UACA: variants seen among roughly 807,000 people sequenced by gnomAD.
The protein encoded by UACA is nuclear membrane binding protein.
In UACA, 112 loss-of-function variants were observed where a neutral mutation model predicts 160.5. The observed-to-expected ratio is 0.70, with a 90% CI of 0.60 to 0.82. The LOEUF (loss-of-function observed/expected upper bound fraction) is 0.82. UACA is among the 40% of genes least tolerant of loss of function. UACA has a pLI of 0.00. For missense variants in UACA, 1,574 were observed against 1,614.6 expected (o/e 0.97, Z 0.43); for synonymous variants, 557 against 568.4 (o/e 0.98, Z 0.29).
At chr15:70,776,892 A>AAT in the UACA span, among the ~76,000 whole-genome samples, 1 of 152,170 alleles carries the variant, frequency 6.6e-6, no homozygotes, top group Non-Finnish European at 1.5e-5. Flanking sequence ...TGCTAGACTG[A>AAT]TTGGAACAGG....
intron 1 of UACA, 48 bp from the exon 2 acceptor site, chr15:70,699,708 A>T: frequency 6.3e-7 from 1 of 1,588,260 alleles, no homozygotes; most frequent in South Asian, 1.1e-5. Context: ...ACATTAGTTA[A>T]GATTTTTCTA....
intron 1 of UACA, among the ~76,000 whole-genome samples, chr15:70,710,827 C>T (rs1213576439): frequency 6.6e-6 from 1 of 152,250 alleles, no homozygotes; most frequent in Non-Finnish European, 1.5e-5. Flanking sequence ...ACATGTTCAG[C>T]AACCAGGAAG....
At chr15:70,778,294 C>T in the UACA span, among the ~76,000 whole-genome samples, 1 of 152,198 alleles carries the variant, frequency 6.6e-6, no homozygotes, top group Non-Finnish European at 1.5e-5. Context: ...TGTATCATAG[C>T]TGCAGCAAAT....
At chr15:70,658,953 T>C (rs1164463004) in intron 18 of UACA, among the ~76,000 whole-genome samples, 1 of 152,194 alleles carries the variant, frequency 6.6e-6, no homozygotes, top group Non-Finnish European at 1.5e-5. Flanking sequence ...AATTTCAAAT[T>C]CCGGAAGTGC....
intron 1 of UACA, among the ~76,000 whole-genome samples, chr15:70,711,414 C>T (rs1898677895): frequency 6.6e-6 from 1 of 151,864 alleles, no homozygotes; most frequent in Non-Finnish European, 1.5e-5. Flanking sequence ...GTAATCCTAC[C>T]ACTTTGGGAG....
At chr15:70,693,707 G>A (rs1297801028) in intron 3 of UACA, among the ~76,000 whole-genome samples, 5 of 151,990 alleles carry the variant, frequency 3.3e-5, no homozygotes, top group Non-Finnish European at 7.4e-5. Flanking sequence ...GAAGTCACTA[G>A]ATTAGCCACT....
intron 1 of UACA, among the ~76,000 whole-genome samples, chr15:70,723,678 G>T (rs1263096455): frequency 6.6e-6 from 1 of 150,720 alleles, no homozygotes; most frequent in Non-Finnish European, 1.5e-5. Context: ...TGTCGCCCAG[G>T]CTGGAGTCCA....
chr15:70,720,673 C>T (rs926300571), intron 1 of UACA, among the ~76,000 whole-genome samples: 2 of 152,024 alleles, frequency 1.3e-5, no homozygotes, highest in African/African-American at 2.4e-5. Flanking sequence ...GAGTATTTTC[C>T]TTGAGGAAGA....
chr15:70,775,188 C>G, the UACA span, among the ~76,000 whole-genome samples: 3 of 152,136 alleles, frequency 2.0e-5, no homozygotes, highest in African/African-American at 7.2e-5. Flanking sequence ...ATACTGGTAA[C>G]CTATTAGACA....
intron 14 of UACA, chr15:70,671,406 A>T (rs937772764): frequency 1.6e-5 from 3 of 188,266 alleles, no homozygotes; most frequent in African/African-American, 7.0e-5. Context: ...AATAAAACAT[A>T]TATCTTATAA....
intron 18 of UACA, among the ~76,000 whole-genome samples, chr15:70,658,702 T>G (rs1156757250): frequency 6.6e-6 from 1 of 152,074 alleles, no homozygotes; most frequent in African/African-American, 2.4e-5. Context: ...CCGCACCCCC[T>G]CCCAACACAC....
chr15:70,657,923 A>T (rs1595861580), intron 18 of UACA, among the ~76,000 whole-genome samples: 1 of 53,984 alleles, frequency 1.9e-5, no homozygotes. Flanking sequence ...GCAAAAACTT[A>T]AAAAAAAAAA....
chr15:70,668,112 G>C lies in UACA; in HGVS notation c.2572C>G (p.Gln858Glu), dbSNP rs1412850542. ...TCATGGGTTTTAACTGGCACATACT[G>C]ATTACTCATCATCTTCTTCAAGTTA... ...NTNLKKMMSN[Q>E]YVPVKTHEEV... The change falls in exon 16 of 19, where the codon CAG becomes GAG. Residue 858 changes from glutamine (Q) to glutamate (E), a missense_variant. Gln to Glu is a conservative substitution (Grantham distance 29). Coordinates refer to ENST00000322954, the MANE Select transcript of UACA (RefSeq NM_018003.4). 2 of 1,613,492 alleles carry C rather than the reference G, an allele frequency of 1.2e-6. No individual in the cohort carries two copies. The highest frequency in any genetic ancestry group is 1.7e-6 in the Non-Finnish European group (2 of 1,179,940).
At chr15:70,710,667 AC>A (rs1898657815) in intron 1 of UACA, among the ~76,000 whole-genome samples, 2 of 152,134 alleles carry the variant, frequency 1.3e-5, no homozygotes, top group African/African-American at 4.8e-5. Flanking sequence ...AGCTCACAGG[AC>A]TCAGGGAAAC....
chr15:70,678,155 G>C lies in UACA; in HGVS notation c.943C>G (p.Gln315Glu), dbSNP rs747714236. ...TTATCCAAAAGTATTCTTTGTTCTT[G>C]CTGAATTTTTCTCAACCTCTCTTTC... ...DLKERLRKIQ[Q>E]EQRILLDKVN... The change falls in exon 11 of 19, where the codon CAA becomes GAA. Residue 315 changes from glutamine to glutamate, a missense_variant. Gln to Glu is a conservative substitution (Grantham distance 29, BLOSUM62 2). Coordinates refer to ENST00000322954, the MANE Select transcript of UACA (RefSeq NM_018003.4). 2.5e-6 allele frequency: 4 copies of C among 1,610,616 alleles called. No individual in the cohort carries two copies. In the African/African-American group the frequency reaches 5.4e-5, roughly 22 times the overall value.
At chr15:70,751,682 A>C (rs1289203207) in intron 1 of UACA, among the ~76,000 whole-genome samples, 1 of 152,160 alleles carries the variant, frequency 6.6e-6, no homozygotes, top group Non-Finnish European at 1.5e-5. Flanking sequence ...CAGGCTGCAG[A>C]GTTTGACCCT....
intron 1 of UACA, among the ~76,000 whole-genome samples, chr15:70,742,218 C>T (rs374467422): frequency 2.0e-4 from 30 of 152,270 alleles, no homozygotes; most frequent in African/African-American, 6.7e-4. Flanking sequence ...GGCACAAATC[C>T]TTTCACATCT....
chr15:70,701,328 A>T (rs996206608), intron 1 of UACA, among the ~76,000 whole-genome samples: 2 of 152,222 alleles, frequency 1.3e-5, no homozygotes, highest in Middle Eastern at 3.2e-3. Flanking sequence ...AAAACAGTTT[A>T]CTGACTCTAA....
intron 1 of UACA, among the ~76,000 whole-genome samples, chr15:70,719,136 CAGAAGAGAAGAGA>C (rs1422597920): frequency 3.3e-5 from 5 of 151,304 alleles, no homozygotes; most frequent in Non-Finnish European, 7.4e-5. Context: ...GAGAAGAGAA[CAGAAGAGAAGAGA>C]AGAGAAGAGG....
Sources: allele counts gnomAD v4.1 joint callset (sites outside exome capture counted in the v4.1 genomes callset), GRCh38; gene constraint gnomAD v4.1.1; transcripts MANE v1.5; gene names NCBI Gene and HGNC (gene_info 2026-07-23, HGNC 2026-07-21).